Variants in YTHDF3 observed in about 807,000 individuals in gnomAD.
The protein encoded by YTHDF3 is YTH N6-methyladenosine RNA binding protein F3.
Under a neutral mutation model 52.5 loss-of-function variants are expected in YTHDF3, and 9 were observed. That is an observed-to-expected ratio of 0.17 (90% confidence interval 0.10 to 0.30). YTHDF3 has a LOEUF of 0.30. Among genes scored for constraint, YTHDF3 ranks in the 10% least tolerant of loss-of-function variants. YTHDF3 has a pLI of 1.00. For synonymous variants in YTHDF3, 274 were observed against 243.3 expected (o/e 1.13, Z -1.18); for missense variants, 534 against 715.0 (o/e 0.75, Z 2.89).
At chr8:63,176,637 T>G (rs1276678525) in intron 3 of YTHDF3, among the ~76,000 whole-genome samples, 2 of 151,798 alleles carry the variant, frequency 1.3e-5, no homozygotes, top group African/African-American at 4.8e-5. Flanking sequence ...ACTCAGTTCT[T>G]TGGAATAATT....
At chr8:63,194,591 C>G (rs1345880467) in intron 4 of YTHDF3, among the ~76,000 whole-genome samples, 1 of 152,108 alleles carries the variant, frequency 6.6e-6, no homozygotes, top group Non-Finnish European at 1.5e-5. Context: ...AACATGCTTC[C>G]CCATCTGCTT....
At chr8:63,177,695 A>G (rs1469029244) in intron 3 of YTHDF3, among the ~76,000 whole-genome samples, 1 of 152,096 alleles carries the variant, frequency 6.6e-6, no homozygotes, top group Non-Finnish European at 1.5e-5. Context: ...TATAAATTAT[A>G]ATTGAAAATG....
chr8:63,172,826 A>G (rs1807418920), intron 2 of YTHDF3: 2 of 1,230,924 alleles, frequency 1.6e-6, no homozygotes, highest in Non-Finnish European at 2.0e-6. Context: ...TTTACCCCTG[A>G]AGAAATTTTA....
intron 3 of YTHDF3, among the ~76,000 whole-genome samples, chr8:63,183,737 G>A (rs1281040150): frequency 1.3e-5 from 2 of 152,146 alleles, no homozygotes; most frequent in Non-Finnish European, 2.9e-5. Flanking sequence ...GAATTTTCCA[G>A]TTTTAAATAT....
chr8:63,173,202 T>TTATTTATATATATATATA (rs1554533376), intron 2 of YTHDF3, among the ~76,000 whole-genome samples: 2 of 125,918 alleles, frequency 1.6e-5, no homozygotes, highest in East Asian at 5.4e-4. Flanking sequence ...AGGATTATAT[T>TTATTTATATATATATATA]TATATATATA....
At position 63,197,759 on chromosome 8, in the gene YTHDF3, A is replaced by T. The variant is rs369454149; in HGVS notation, c.1734+10014A>T. On this transcript the variant is annotated intron_variant, in intron 4 of 4. Coordinates refer to ENST00000539294, the MANE Select transcript of YTHDF3 (RefSeq NM_152758.6). ...TAATGGCAACCCCTCAGAGGAACTG[A>T]ATAATAGAAGGGAAAAGAAAAAGAA... Among the ~76,000 whole-genome samples, 16 of 152,346 alleles carry T rather than the reference A, an allele frequency of 1.1e-4. No homozygotes were observed. The East Asian group carries it at 3.1e-3, about 29-fold the overall frequency.
chr8:63,209,532 G>GGT, intron 4 of YTHDF3, 151 bp from the exon 5 acceptor site: 1 of 721,866 alleles, frequency 1.4e-6, no homozygotes, highest in South Asian at 1.9e-5. Context: ...GGTATATAGA[G>GGT]GTAATTATCA....
At chr8:63,170,601 A>G (rs1807259313) in intron 2 of YTHDF3, among the ~76,000 whole-genome samples, 1 of 152,168 alleles carries the variant, frequency 6.6e-6, no homozygotes, top group African/African-American at 2.4e-5. Flanking sequence ...TTTATTTTAA[A>G]TGAGTTTTTA....
chr8:63,211,257 A>T lies in YTHDF3; in HGVS notation c.*1551A>T, dbSNP rs1048797493. Reference sequence around the variant, plus strand: ...AAATACAGTATTTGTAGATAACCATAGCTACTACACAGTTCTTCGGTAGTC... The same window carrying T: ...AAATACAGTATTTGTAGATAACCATTGCTACTACACAGTTCTTCGGTAGTC... On this transcript the variant is annotated 3_prime_UTR_variant, in exon 5 of 5. Coordinates refer to ENST00000539294, the MANE Select transcript of YTHDF3 (RefSeq NM_152758.6). 4 of 152,568 alleles carry T rather than the reference A, an allele frequency of 2.6e-5. No homozygotes were observed. The highest frequency in any genetic ancestry group is 5.9e-5 in the Non-Finnish European group (4 of 67,994). 9.5% of individuals were successfully genotyped at this position (152,568 alleles called of 1,614,324 possible).
At chr8:63,206,495 T>C (rs1003606562) in intron 4 of YTHDF3, among the ~76,000 whole-genome samples, 39 of 152,210 alleles carry the variant, frequency 2.6e-4, no homozygotes, top group Admixed American at 3.9e-4. Flanking sequence ...TAACCCCTTA[T>C]CTAATCCATC....
intron 2 of YTHDF3, among the ~76,000 whole-genome samples, chr8:63,172,475 C>T (rs915986671): frequency 6.6e-6 from 1 of 152,070 alleles, no homozygotes; most frequent in African/African-American, 2.4e-5. Context: ...TTTTAATTTT[C>T]GAAAAGTAGT....
At chr8:63,202,550 C>T (rs1809708271) in intron 4 of YTHDF3, among the ~76,000 whole-genome samples, 1 of 151,596 alleles carries the variant, frequency 6.6e-6, no homozygotes, top group Non-Finnish European at 1.5e-5. Flanking sequence ...CAACCTCCGC[C>T]TCCTGGGTTT....
chr8:63,169,534 A>G, intron 2 of YTHDF3, 123 bp downstream of exon 2: 1 of 1,117,478 alleles, frequency 8.9e-7, no homozygotes, highest in Non-Finnish European at 1.3e-6. Flanking sequence ...TAGGGAAAAT[A>G]TTCATCATGG....
At chr8:63,180,685 T>C (rs990021655) in intron 3 of YTHDF3, among the ~76,000 whole-genome samples, 2 of 152,182 alleles carry the variant, frequency 1.3e-5, no homozygotes, top group African/African-American at 4.8e-5. Flanking sequence ...CTGGGCACCA[T>C]TGAGCACTGA....
At chr8:63,208,300 T>C (rs1810168388) in intron 4 of YTHDF3, among the ~76,000 whole-genome samples, 1 of 152,220 alleles carries the variant, frequency 6.6e-6, no homozygotes, top group Non-Finnish European at 1.5e-5. Flanking sequence ...TGAGGTTCTC[T>C]TTGAAATTTA....
intron 4 of YTHDF3, among the ~76,000 whole-genome samples, chr8:63,190,642 A>G (rs760714881): frequency 9.2e-5 from 14 of 152,308 alleles, no homozygotes; most frequent in Non-Finnish European, 1.5e-4. Context: ...TTTTGGCTGA[A>G]TCAAATGTAG....
At chr8:63,200,374 G>T (rs554761063) in intron 4 of YTHDF3, among the ~76,000 whole-genome samples, 2 of 151,892 alleles carry the variant, frequency 1.3e-5, no homozygotes, top group East Asian at 3.9e-4. Context: ...ACACTCTGTC[G>T]CCTCGGCTGA....
At chr8:63,184,174 CAAT>C (rs1808346183) in intron 3 of YTHDF3, among the ~76,000 whole-genome samples, 1 of 152,140 alleles carries the variant, frequency 6.6e-6, no homozygotes, top group Non-Finnish European at 1.5e-5. Flanking sequence ...AAACAAATAA[CAAT>C]ACAACAATAA....
chr8:63,176,721 A>G (rs1443109525), intron 3 of YTHDF3, among the ~76,000 whole-genome samples: 2 of 151,262 alleles, frequency 1.3e-5, no homozygotes, highest in East Asian at 3.9e-4. Flanking sequence ...TTTGTTGCCC[A>G]GGCTGGAGTG....
Sources: gnomAD v4.1 joint callset for allele counts (sites outside exome capture counted in the v4.1 genomes callset) on GRCh38, gnomAD v4.1.1 for gene constraint, MANE v1.5 for transcripts, NCBI Gene and HGNC (gene_info 2026-07-23, HGNC 2026-07-21) for gene names.